Variants in EP300 observed in about 807,000 individuals in gnomAD.
The protein encoded by EP300 is EP300 lysine acetyltransferase.
In EP300, 31 loss-of-function variants were observed where a neutral mutation model predicts 264.0. The observed-to-expected ratio is 0.12, with a 90% confidence interval of 0.09 to 0.16. The LOEUF (loss-of-function observed/expected upper bound fraction) is 0.16. Among genes scored for constraint, EP300 ranks in the 10% least tolerant of loss-of-function variants. The pLI, the probability that EP300 is intolerant of heterozygous loss-of-function variation, is 1.00. For synonymous variants in EP300, 1,340 were observed against 1,045.4 expected (o/e 1.28, Z -5.44); for missense variants, 2,766 against 3,052.9 (o/e 0.91, Z 2.21).
chr22:41,140,203 A>G lies in EP300; in HGVS notation c.1824A>G (p.Leu608=). Residue 608 remains leucine, a synonymous_variant, in exon 9 of 31, where the codon CTA becomes CTG. Transcript: ENST00000263253. ...TAAAAGACAGACGGATGGAAAACCT[A>G]GTTGCATATGCTCGGAAAGTTGAAG... ...AALKDRRMEN[L]VAYARKVEGD... 1 of 1,613,994 alleles carries G rather than the reference A, an allele frequency of 6.2e-7. No homozygotes were observed. The highest frequency in any genetic ancestry group is 2.2e-5 in the East Asian group (1 of 44,896).
chr22:41,101,738 T>G (rs1400734765), intron 1 of EP300, among the ~76,000 whole-genome samples: 8 of 152,030 alleles, frequency 5.3e-5, no homozygotes, highest in Admixed American at 1.3e-4. Context: ...TAAATTTTCT[T>G]GAGATGGAGT....
chr22:41,110,282 A>ATTTTTTTTTTTTTTTTTTTTTTTTTTTTT (rs71200660), intron 1 of EP300, among the ~76,000 whole-genome samples: 1 of 48,168 alleles, frequency 2.1e-5, no homozygotes, highest in African/African-American at 8.3e-5. Flanking sequence ...TATCCAGCTA[A>ATTTTTTTTTTTTTTTTTTTTTTTTTTTTT]TTTTTTTTTT....
intron 17 of EP300, among the ~76,000 whole-genome samples, chr22:41,156,593 C>T (rs992852309): frequency 7.2e-5 from 11 of 152,058 alleles, no homozygotes; most frequent in African/African-American, 1.4e-4. Flanking sequence ...TGGTGGTGCA[C>T]GCCTGTAATC....
At position 41,131,527 on chromosome 22, in the gene EP300, C is replaced by G; in HGVS notation, c.1422C>G (p.Pro474=). The G allele has an allele frequency of 6.2e-7, 1 of 1,614,052 alleles. No homozygotes were observed. The highest frequency in any genetic ancestry group is 1.1e-5 in the South Asian group (1 of 91,076). ...GAGCCTATGCAGCTCTTGGACTACC[C>G]TATCAAGTAAATCAGATGCCGACAC... ...IERAYAALGL[P]YQVNQMPTQP... is the part of the protein sequence containing the mutation. The change falls in exon 6 of 31, where the codon CCC becomes CCG. Residue 474 remains proline (P), a synonymous_variant. Transcript: ENST00000263253.
intron 10 of EP300, among the ~76,000 whole-genome samples, chr22:41,145,502 C>T (rs1287204333): frequency 6.6e-6 from 1 of 152,228 alleles, no homozygotes; most frequent in African/African-American, 2.4e-5. Context: ...AGCCAGGTCA[C>T]TACAGACATC....
intron 28 of EP300, among the ~76,000 whole-genome samples, 179 bp downstream of exon 28, chr22:41,172,842 T>C (rs1490048189): frequency 6.6e-6 from 1 of 152,216 alleles, no homozygotes; most frequent in Non-Finnish European, 1.5e-5. Flanking sequence ...ATTAAACTTT[T>C]AAAGCATCAG....
At chr22:41,113,104 T>C (rs895315211) in intron 1 of EP300, among the ~76,000 whole-genome samples, 1 of 151,440 alleles carries the variant, frequency 6.6e-6, no homozygotes, top group African/African-American at 2.4e-5. Flanking sequence ...AAATATGTCT[T>C]ACTCTCATTT....
intron 5 of EP300, among the ~76,000 whole-genome samples, chr22:41,130,814 T>A (rs553915381): frequency 1.3e-5 from 2 of 152,124 alleles, no homozygotes; most frequent in African/African-American, 2.4e-5. Context: ...GAGCTTTTTT[T>A]TTTTAAGAGA....
At chr22:41,146,691 GT>G in intron 10 of EP300, 47 bp from the exon 11 acceptor site, 1 of 1,569,164 alleles carries the variant, frequency 6.4e-7, no homozygotes, top group Non-Finnish European at 8.8e-7. Flanking sequence ...TTTTTGTTTG[GT>G]TAAGGGAAGA....
At chr22:41,103,452 A>T (rs2058742434) in intron 1 of EP300, among the ~76,000 whole-genome samples, 1 of 152,206 alleles carries the variant, frequency 6.6e-6, no homozygotes, top group Admixed American at 6.5e-5. Flanking sequence ...CCCGTAAGTT[A>T]TGCTTTAAAA....
Position 41,178,279 on chromosome 22 carries a change from C to A in EP300, c.6568C>A (p.Gln2190Lys). Residue 2190 changes from glutamine to lysine, a missense_variant, in exon 31 of 31, where the codon CAA becomes AAA. Gln to Lys is a moderately conservative substitution (Grantham distance 53). Transcript: ENST00000263253. The part of the protein sequence containing the change: ...RDILRRQQMM[Q>K]QQQQQGAGPG... The stretch of plus-strand genomic sequence containing the variant: ...CATCTTGAGACGACAGCAAATGATG[C>A]AACAGCAGCAGCAACAGGGAGCAGG... The A allele has an allele frequency of 6.2e-7, 1 of 1,613,640 alleles. No individual in the cohort carries two copies.
chr22:41,093,911 C>G (rs1411737057), intron 1 of EP300, among the ~76,000 whole-genome samples: 3 of 152,236 alleles, frequency 2.0e-5, no homozygotes, highest in Non-Finnish European at 4.4e-5. Context: ...TCATGAACTA[C>G]AAACGTGAAC....
rs763165733 is a variant in EP300 at position 41,178,895 on chromosome 22, T to C, written c.7184T>C (p.Leu2395Pro). 3 of 1,614,202 alleles carry C rather than the reference T, an allele frequency of 1.9e-6. No homozygotes were observed. The highest frequency in any genetic ancestry group is 2.5e-6 in the Non-Finnish European group (3 of 1,180,048). ...GGTGCAAGCGCCACGGACCTGGGACTCAGCACCGATAACTCAGACTTGAAT... is the reference window on the plus strand; with the variant it reads ...GGTGCAAGCGCCACGGACCTGGGACCCAGCACCGATAACTCAGACTTGAAT... ...LHGASATDLG[L>P]STDNSDLNSN... Residue 2395 changes from leucine (L) to proline (P), a missense_variant, in exon 31 of 31, where the codon CTC (leucine) becomes CCC (proline). By Grantham distance (98) the Leu-to-Pro change is moderately conservative. Transcript: ENST00000263253.
Position 41,118,199 on chromosome 22 carries a change from G to C in EP300, c.729+378G>C, listed in dbSNP as rs187959107. 7.0e-4 allele frequency among the ~76,000 whole-genome samples: 107 copies of C among 152,204 alleles called. No homozygotes were observed. The Middle Eastern group carries it at 0.017, about 24-fold the overall frequency. ...GTTCCTATTGCTTTGAATGTCCCTG[G>C]TTTTCAAGAGATACATTTATTCTGA... On this transcript the variant is annotated intron_variant, in intron 2 of 30. Transcript: ENST00000263253.
At chr22:41,142,092 G>A (rs2058985985) in intron 10 of EP300, among the ~76,000 whole-genome samples, 1 of 152,154 alleles carries the variant, frequency 6.6e-6, no homozygotes, top group African/African-American at 2.4e-5. Flanking sequence ...TTACTCAATC[G>A]TTGACTTATT....
At chr22:41,115,709 G>T (rs1327382925) in intron 1 of EP300, among the ~76,000 whole-genome samples, 3 of 152,198 alleles carry the variant, frequency 2.0e-5, no homozygotes, top group Admixed American at 2.0e-4. Flanking sequence ...ACCAGGGCTG[G>T]TCTTGCACCC....
Position 41,149,934 on chromosome 22 carries a change from T to C in EP300, c.2553T>C (p.Ala851=), listed in dbSNP as rs2059033801. ...TPHHTPPSIG[A]QQPPATTIPA... is the part of the protein sequence containing the mutation. ...ACCATACTCCCCCAAGCATAGGGGC[T>C]CAGCAGCCACCAGCAACAACAATTC... The change falls in exon 14 of 31, where the codon GCT becomes GCC. Residue 851 remains alanine (A), a synonymous_variant. Transcript: ENST00000263253. 2.5e-6 allele frequency: 4 copies of C among 1,611,800 alleles called. No individual in the cohort carries two copies. Among genetic ancestry groups the C allele is most frequent in the African/African-American group, 1.3e-5 (1 of 74,104 alleles).
chr22:41,117,908 C>T (rs943938311), intron 2 of EP300, 87 bp downstream of exon 2: 5 of 1,590,664 alleles, frequency 3.1e-6, no homozygotes, highest in Non-Finnish European at 4.3e-6. Flanking sequence ...CATTGTATAG[C>T]AGTTTCCACT....
In EP300 at chr22:41,117,726, A is replaced by G. The variant is rs753081561; in HGVS notation, c.634A>G (p.Met212Val). Reference protein sequence around the residue: ...RQNMQYPNPGMGSAGNLLTEP... With the variant: ...RQNMQYPNPGVGSAGNLLTEP... ...GAATATGCAGTACCCAAACCCAGGC[A>G]TGGGAAGTGCTGGCAACTTACTGAC... Residue 212 changes from methionine (M) to valine (V), a missense_variant, in exon 2 of 31, where the codon ATG becomes GTG. Physicochemically the swap from Met to Val is conservative, Grantham distance 21. Transcript: ENST00000263253. 19 of 1,614,126 alleles carry G rather than the reference A, an allele frequency of 1.2e-5. No individual in the cohort carries two copies. Among genetic ancestry groups the G allele is most frequent in the Non-Finnish European group, 1.4e-5 (17 of 1,180,050 alleles).
Sources: gnomAD v4.1 joint callset for allele counts (sites outside exome capture counted in the v4.1 genomes callset) on GRCh38, gnomAD v4.1.1 for gene constraint, MANE v1.5 for transcripts, NCBI Gene and HGNC (gene_info 2026-07-23, HGNC 2026-07-21) for gene names.